Variants in NAV2 observed in about 807,000 individuals in gnomAD.
NAV2 encodes the protein helicase, APC down-regulated 1.
NAV2 carries 54 observed loss-of-function variants against 223.2 expected under a neutral mutation model. The ratio of observed to expected loss-of-function variants is 0.24; its 90% CI spans 0.19 to 0.30. NAV2 has a LOEUF of 0.30. NAV2 is among the 10% of genes least tolerant of loss of function. The probability of loss-of-function intolerance (pLI) is 1.00; values close to 1 mark genes in which losing one functional copy is unlikely to be tolerated. For synonymous variants in NAV2, 1,279 were observed against 1,239.3 expected (o/e 1.03, Z -0.67); for missense variants, 2,806 against 3,147.5 (o/e 0.89, Z 2.60).
At chr11:19,518,558 C>T (rs2043537671) in intron 1 of NAV2, 1 of 152,230 alleles carries the variant, frequency 6.6e-6, no homozygotes, top group Admixed American at 6.5e-5. Flanking sequence ...TCAGTTAGAA[C>T]AAAGTACCCT....
At chr11:19,829,907 A>T (rs1343535472) in intron 1 of NAV2, among the ~76,000 whole-genome samples, 2 of 152,198 alleles carry the variant, frequency 1.3e-5, no homozygotes, top group Non-Finnish European at 2.9e-5. Context: ...AGCAAGGGAA[A>T]GATCTAGGTT....
intron 1 of NAV2, among the ~76,000 whole-genome samples, chr11:19,381,458 A>G (rs1848834040): frequency 6.6e-6 from 1 of 152,186 alleles, no homozygotes; most frequent in Non-Finnish European, 1.5e-5. Context: ...GGATCTTTCA[A>G]AATCTGGGTG....
At chr11:19,826,910 T>G (rs1167131746) in intron 1 of NAV2, among the ~76,000 whole-genome samples, 2 of 152,256 alleles carry the variant, frequency 1.3e-5, no homozygotes, top group East Asian at 3.9e-4. Context: ...CCTCCTGCGG[T>G]GGGCCAGCCC....
intron 1 of NAV2, among the ~76,000 whole-genome samples, chr11:19,629,751 G>T (rs906565503): frequency 6.6e-6 from 1 of 152,026 alleles, no homozygotes; most frequent in East Asian, 1.9e-4. Context: ...GACCTGAATG[G>T]GCCTCAGTTT....
At chr11:19,913,299 AT>A (rs2043477928) in intron 6 of NAV2, among the ~76,000 whole-genome samples, 1 of 152,116 alleles carries the variant, frequency 6.6e-6, no homozygotes, top group Non-Finnish European at 1.5e-5. Flanking sequence ...CTGCCCTTCT[AT>A]TTCCTGCTAA....
Position 20,044,955 on chromosome 11 carries a change from ATC to A in NAV2, c.3200-5_3200-4del, listed in dbSNP as rs756217484. 6.3e-7 allele frequency: 1 copy of A among 1,589,776 alleles called. No homozygotes were observed. The highest frequency in any genetic ancestry group is 2.2e-5 in the East Asian group (1 of 44,682). On this transcript the variant is annotated splice_polypyrimidine_tract_variant and intron_variant, in intron 13 of 37. Transcript: ENST00000349880. ...CTTGGCTTGCAGGCTAATCTTGCTG[ATC>A]TCTCTCTTAGGAAAAACAGACGACG...
intron 1 of NAV2, among the ~76,000 whole-genome samples, chr11:19,469,956 G>A (rs753227937): frequency 6.6e-6 from 1 of 152,244 alleles, no homozygotes; most frequent in Admixed American, 6.5e-5. Context: ...AAGAGAGGAA[G>A]GTGCCAGATG....
chr11:19,956,381 C>CAT lies in NAV2; in HGVS notation c.2645+7302_2645+7303insTA, dbSNP rs1344521291. ...CGACACACATACACACACACACACA[C>CAT]ACACACACACACACGCTCTCTCTCT... On this transcript the variant is annotated intron_variant, in intron 10 of 37. Coordinates refer to ENST00000349880, the MANE Select transcript of NAV2 (RefSeq NM_145117.5). Among the ~76,000 whole-genome samples the CAT allele has an allele frequency of 2.3e-3, 339 of 148,496 alleles. 1 individual carries two copies. Among genetic ancestry groups the CAT allele is most frequent in the Middle Eastern group, 6.8e-3 (2 of 292 alleles).
intron 1 of NAV2, among the ~76,000 whole-genome samples, chr11:19,421,306 T>A (rs923590819): frequency 3.3e-5 from 5 of 152,134 alleles, no homozygotes; most frequent in African/African-American, 1.2e-4. Flanking sequence ...TAGCCCAGCA[T>A]CCATCACAGA....
chr11:19,891,284 C>A (rs1453759174), intron 5 of NAV2, among the ~76,000 whole-genome samples: 25 of 152,174 alleles, frequency 1.6e-4, no homozygotes, highest in Admixed American at 1.6e-3. Flanking sequence ...CTTTTAAACA[C>A]AGCTAAGTGG....
chr11:19,953,302 C>T (rs960080698), intron 10 of NAV2, among the ~76,000 whole-genome samples: 14 of 152,188 alleles, frequency 9.2e-5, no homozygotes, highest in Non-Finnish European at 1.5e-4. Flanking sequence ...ATCTGAATGC[C>T]TTAACTGACT....
intron 1 of NAV2, among the ~76,000 whole-genome samples, chr11:19,624,204 A>G (rs1227057620): frequency 1.3e-5 from 2 of 152,164 alleles, no homozygotes; most frequent in East Asian, 3.9e-4. Context: ...CAGTTAGGCT[A>G]CTCGGGGGTC....
intron 20 of NAV2, among the ~76,000 whole-genome samples, chr11:20,067,432 T>A (rs2059118185): frequency 6.6e-6 from 1 of 151,424 alleles, no homozygotes; most frequent in African/African-American, 2.4e-5. Context: ...AACAACAAAA[T>A]TTTTTTTAGT....
chr11:19,609,145 G>A (rs527982362), intron 1 of NAV2, among the ~76,000 whole-genome samples: 9 of 152,250 alleles, frequency 5.9e-5, no homozygotes, highest in South Asian at 4.1e-4. Context: ...GGATTGGGTC[G>A]CAGACATCTC....
intron 1 of NAV2, among the ~76,000 whole-genome samples, chr11:19,618,671 G>A (rs914208452): frequency 6.6e-6 from 1 of 152,136 alleles, no homozygotes; most frequent in Non-Finnish European, 1.5e-5. Flanking sequence ...TGCAGATGGG[G>A]CCAGACAAAG....
chr11:19,393,585 C>G (rs961016802), intron 1 of NAV2, among the ~76,000 whole-genome samples: 2 of 152,190 alleles, frequency 1.3e-5, no homozygotes, highest in Non-Finnish European at 2.9e-5. Context: ...TGGAAACAAA[C>G]AAACCTTGAC....
chr11:19,680,491 G>C (rs2048852659), intron 1 of NAV2, among the ~76,000 whole-genome samples: 1 of 152,124 alleles, frequency 6.6e-6, no homozygotes. Flanking sequence ...ATGAGTGCTG[G>C]GGAACTGTAG....
intron 1 of NAV2, among the ~76,000 whole-genome samples, chr11:19,619,193 A>G (rs1565106384): frequency 1.3e-5 from 2 of 151,472 alleles, no homozygotes; most frequent in South Asian, 2.1e-4. Context: ...AGTCTTTGCT[A>G]TTGCGAATAG....
At chr11:20,100,168 C>T (rs1018873787) in intron 31 of NAV2, among the ~76,000 whole-genome samples, 3 of 152,166 alleles carry the variant, frequency 2.0e-5, no homozygotes, top group African/African-American at 7.2e-5. Context: ...GACAGCTAAC[C>T]TTGGATGGAT....
Sources: gnomAD v4.1 joint callset for allele counts (sites outside exome capture counted in the v4.1 genomes callset) on GRCh38, gnomAD v4.1.1 for gene constraint, MANE v1.5 for transcripts, NCBI Gene and HGNC (gene_info 2026-07-23, HGNC 2026-07-21) for gene names.